Variants in KLHL13 observed in about 807,000 individuals in gnomAD.
KLHL13 encodes the protein kelch-like protein 13.
A neutral mutation model predicts 37.1 loss-of-function variants in KLHL13; 10 were observed. The observed-to-expected ratio is 0.27, with a 90% CI of 0.17 to 0.46. The LOEUF (loss-of-function observed/expected upper bound fraction) is 0.46. KLHL13 is among the 20% of genes least tolerant of loss of function. The probability of loss-of-function intolerance (pLI) is 1.00; values close to 1 mark genes in which losing one functional copy is unlikely to be tolerated. For missense variants in KLHL13, 360 were observed against 509.3 expected, an observed-to-expected ratio of 0.71 and a Z score of 2.82; for synonymous variants, 163 against 181.2, an observed-to-expected ratio of 0.90 and a Z score of 0.81.
intron 1 of KLHL13, among the ~76,000 whole-genome samples, chrX:118,096,008 A>T (rs2055201604): frequency 8.9e-6 from 1 of 112,080 alleles, no homozygotes; most frequent in South Asian, 3.7e-4. Context: ...CTAACATCAC[A>T]ATTAAAAGAA....
chrX:118,071,017 T>C (rs1288557046), intron 1 of KLHL13, among the ~76,000 whole-genome samples: 1 of 110,174 alleles, frequency 9.1e-6, no homozygotes, highest in Non-Finnish European at 1.9e-5. Flanking sequence ...TTTGGTTTTT[T>C]CTTCTTGCGA....
chrX:117,999,009 A>T (rs1214826257), intron 1 of KLHL13, among the ~76,000 whole-genome samples: 7 of 111,372 alleles, frequency 6.3e-5, no homozygotes, highest in Admixed American at 5.7e-4. Flanking sequence ...TAAAGTGGTC[A>T]CCATTGTCAA....
At chrX:117,929,954 C>T (rs776307777) in intron 2 of KLHL13, among the ~76,000 whole-genome samples, 2 of 108,195 alleles carry the variant, frequency 1.8e-5, no homozygotes, top group South Asian at 8.2e-4. Context: ...AGAATGAGAC[C>T]TTGTCTCAAA....
intron 2 of KLHL13, among the ~76,000 whole-genome samples, chrX:117,943,771 C>T (rs986504368): frequency 6.4e-5 from 7 of 109,513 alleles, no homozygotes; most frequent in South Asian, 4.0e-4. Context: ...TGGGTTAGAA[C>T]ATGCTCCTTT....
intron 2 of KLHL13, among the ~76,000 whole-genome samples, chrX:117,930,216 AGAAGGAAGGAAGGAAGGAAGGAAGGGAG>A (rs1346848551): frequency 4.5e-5 from 4 of 89,709 alleles, no homozygotes; most frequent in African/African-American, 1.8e-4. Context: ...ATGAAAAGGA[AGAAGGAAGGAAGGAAGGAAGGAAGGGAG>A]GAAGGAAGGA....
At chrX:118,085,796 GGT>G (rs4025518) in intron 1 of KLHL13, among the ~76,000 whole-genome samples, 8,734 of 85,328 alleles carry the variant, frequency 0.1, 406 homozygotes, top group South Asian at 0.14. Flanking sequence ...AATATTCCAT[GGT>G]GTGTGTGTGT....
At chrX:118,001,265 G>C (rs192789199) in intron 1 of KLHL13, among the ~76,000 whole-genome samples, 1 of 111,447 alleles carries the variant, frequency 9.0e-6, no homozygotes, top group Non-Finnish European at 1.9e-5. Flanking sequence ...GAAACTTTTC[G>C]TAGTCTGGGG....
At chrX:117,898,691 T>C in exon 7 of KLHL13, 1 of 380,523 alleles carries the variant, frequency 2.6e-6, no homozygotes, top group Non-Finnish European at 4.5e-6. Context: ...AACATCAGCT[T>C]CTATGGGATA....
chrX:118,063,107 CAG>C (rs1197667437), intron 1 of KLHL13, among the ~76,000 whole-genome samples: 1 of 111,410 alleles, frequency 9.0e-6, no homozygotes, highest in African/African-American at 3.3e-5. Flanking sequence ...AATAGATATG[CAG>C]AGAGACTAGT....
rs140845335 is a variant in KLHL13, at chrX:118,062,632, C to T, written c.-56+53876G>A. ...GCCCTCACAGTCATATCCTGAAATACGTACAGTTTCACTATAAATTATATT... is the reference window on the plus strand; with the variant it reads ...GCCCTCACAGTCATATCCTGAAATATGTACAGTTTCACTATAAATTATATT... On this transcript the variant is annotated intron_variant, in intron 1 of 6. Coordinates refer to the KLHL13 transcript ENST00000371882. 8.9e-3 allele frequency among the ~76,000 whole-genome samples: 986 copies of T among 110,249 alleles called. 15 individuals carry two copies. The highest frequency in any genetic ancestry group is 0.03 in the African/African-American group (911 of 30,489).
At chrX:117,915,806 T>C (rs1200515160) in intron 4 of KLHL13, among the ~76,000 whole-genome samples, 1 of 112,378 alleles carries the variant, frequency 8.9e-6, no homozygotes, top group Non-Finnish European at 1.9e-5. Flanking sequence ...AAATGCTAGA[T>C]GCTAAAAATT....
intron 1 of KLHL13, among the ~76,000 whole-genome samples, chrX:117,993,674 A>G (rs1376093560): frequency 9.1e-6 from 1 of 110,462 alleles, no homozygotes; most frequent in Non-Finnish European, 1.9e-5. Context: ...CAAGTTACTG[A>G]GAGAGAAAAA....
intron 1 of KLHL13, among the ~76,000 whole-genome samples, chrX:118,101,587 C>G (rs6603366): frequency 0.14 from 15,479 of 110,901 alleles, 1,366 homozygotes; most frequent in African/African-American, 0.32. Context: ...ACTGAAACCT[C>G]AAGGACAAAA....
Position 117,962,572 on chromosome X carries a change from G to A in KLHL13, c.98+10159C>T, listed in dbSNP as rs183732578. On this transcript the variant is annotated intron_variant, in intron 1 of 6. Coordinates refer to ENST00000262820, the Ensembl canonical transcript of KLHL13. ...TCCCGATATCATATGAGCAAGTAAA[G>A]ATAATTGCCTCAATATTTTCCTTCA... is the stretch of plus-strand genomic sequence containing the variant. Among the ~76,000 whole-genome samples the A allele has an allele frequency of 2.2e-3, 240 of 111,617 alleles. 1 individual carries two copies. The highest frequency in any genetic ancestry group is 7.3e-3 in the African/African-American group (225 of 30,719).
chrX:118,060,151 T>C (rs1318952696), intron 1 of KLHL13, among the ~76,000 whole-genome samples: 1 of 111,836 alleles, frequency 8.9e-6, no homozygotes, highest in East Asian at 2.8e-4. Flanking sequence ...TAAGGCACTA[T>C]GCAATACAGA....
intron 1 of KLHL13, among the ~76,000 whole-genome samples, chrX:118,029,118 T>G (rs2054307691): frequency 9.0e-6 from 1 of 111,519 alleles, no homozygotes; most frequent in Non-Finnish European, 1.9e-5. Flanking sequence ...AGAGGGACTA[T>G]TTATACAGGA....
chrX:118,108,353 T>C (rs931123550), intron 1 of KLHL13, among the ~76,000 whole-genome samples: 1 of 112,194 alleles, frequency 8.9e-6, no homozygotes, highest in Non-Finnish European at 1.9e-5. Context: ...ACAACAACAA[T>C]GAAAGTGGGA....
chrX:117,987,811 T>C (rs2053745026), intron 1 of KLHL13, among the ~76,000 whole-genome samples: 1 of 112,206 alleles, frequency 8.9e-6, no homozygotes, highest in Admixed American at 9.5e-5. Context: ...GTCTACACCT[T>C]CCTTCTTTTT....
At chrX:118,088,327 G>A (rs1290196000) in intron 1 of KLHL13, among the ~76,000 whole-genome samples, 1 of 111,869 alleles carries the variant, frequency 8.9e-6, no homozygotes, top group African/African-American at 3.2e-5. Context: ...CTGCAATAAT[G>A]TATACGTTAA....
Sources: allele counts gnomAD v4.1 joint callset (sites outside exome capture counted in the v4.1 genomes callset), GRCh38; gene constraint gnomAD v4.1.1; transcripts MANE v1.5; gene names NCBI Gene and HGNC (gene_info 2026-07-23, HGNC 2026-07-21).